EPG5: variants seen among roughly 807,000 people sequenced by gnomAD.
The protein encoded by EPG5 is ectopic P granules protein 5 homolog.
EPG5 carries 159 observed loss-of-function variants against 302.7 expected under a neutral mutation model. That is an observed-to-expected ratio of 0.53 (90% CI 0.46 to 0.60). The LOEUF is 0.60. Ranked by LOEUF, EPG5 falls within the 20% of genes least tolerant of loss-of-function variation. The probability of loss-of-function intolerance (pLI) is 0.00; values close to 1 mark genes in which losing one functional copy is unlikely to be tolerated. For synonymous variants in EPG5, 1,158 were observed against 1,136.8 expected, an observed-to-expected ratio of 1.02 and a Z score of -0.37; for missense variants, 2,896 against 3,092.4, an observed-to-expected ratio of 0.94 and a Z score of 1.51.
At chr18:45,909,926 T>C (rs561332372) in intron 23 of EPG5, among the ~76,000 whole-genome samples, 178 of 152,286 alleles carry the variant, frequency 1.2e-3, no homozygotes, top group African/African-American at 4.2e-3. Flanking sequence ...TGCCTATGAA[T>C]AGCCACTGCA....
chr18:45,820,966 C>T, the EPG5 span, among the ~76,000 whole-genome samples: 1 of 152,282 alleles, frequency 6.6e-6, no homozygotes, highest in Non-Finnish European at 1.5e-5. Flanking sequence ...AAGAAAAGAA[C>T]CAATGAAAAC....
chr18:45,959,648 G>A (rs1318943333), intron 1 of EPG5, among the ~76,000 whole-genome samples: 2 of 143,362 alleles, frequency 1.4e-5, no homozygotes, highest in Non-Finnish European at 3.0e-5. Context: ...GCAACAGAGC[G>A]AGACTGTCTC....
chr18:45,855,727 T>A lies in EPG5; in HGVS notation c.7443-40A>T, dbSNP rs528811306. Reference sequence around the variant, plus strand: ...AGAGGTCAGAAGAAGTAAATGGCTATTAAAGTAAGCATTTTGAAATAAACA... The same window carrying A: ...AGAGGTCAGAAGAAGTAAATGGCTAATAAAGTAAGCATTTTGAAATAAACA... On this transcript the variant is annotated intron_variant, in intron 42 of 43. Transcript: ENST00000282041. The A allele has an allele frequency of 6.9e-6, 9 of 1,300,688 alleles. No individual in the cohort carries two copies. In the African/African-American group the frequency reaches 1.2e-4, roughly 17 times the overall value. 80.6% of individuals were successfully genotyped at this position (1,300,688 alleles called of 1,614,324 possible). A position where few individuals can be genotyped will look rare whatever the true frequency, so the allele number is the denominator to read the frequency against.
At chr18:45,915,409 T>C (rs910692009) in intron 20 of EPG5, 102 bp downstream of exon 20, 5 of 827,448 alleles carry the variant, frequency 6.0e-6, no homozygotes, top group African/African-American at 1.7e-5. Context: ...GAATAAGTGC[T>C]AAATAAAAGT....
chr18:45,808,955 T>C, the EPG5 span, among the ~76,000 whole-genome samples: 1 of 152,152 alleles, frequency 6.6e-6, no homozygotes, highest in African/African-American at 2.4e-5. Context: ...GCAGAGTAGA[T>C]AAGAATTCAC....
At chr18:45,962,762 C>A (rs1393200688) in intron 1 of EPG5, among the ~76,000 whole-genome samples, 1 of 152,118 alleles carries the variant, frequency 6.6e-6, no homozygotes, top group African/African-American at 2.4e-5. Context: ...CCCTAAATAG[C>A]TGCCAAATTA....
Position 45,943,285 on chromosome 18 carries a change from G to C in EPG5, c.1819C>G (p.Pro607Ala). Residue 607 changes from proline (P) to alanine (A), a missense_variant, in exon 9 of 44, where the codon CCT becomes GCT. Pro to Ala is a conservative substitution (Grantham distance 27, BLOSUM62 -1). This residue lies in a region of EPG5 where 1,390 missense variants were observed against 1,430.0 expected (regional missense o/e 0.97). Transcript: ENST00000282041. The stretch of plus-strand genomic sequence containing the variant: ...GCAAAAATTTTCATCATCTCTTGAG[G>C]TCTTGTTGTTTCAGGTAAATAATCA... ...KGDYLPETTRPQEMMKIFAFA... is the reference protein window; with the variant it reads ...KGDYLPETTRAQEMMKIFAFA... 6.2e-7 allele frequency: 1 copy of C among 1,613,944 alleles called. No individual in the cohort carries two copies. The highest frequency in any genetic ancestry group is 8.5e-7 in the Non-Finnish European group (1 of 1,179,938).
the EPG5 span, chr18:45,837,146 G>A: frequency 1.2e-6 from 2 of 1,601,462 alleles, no homozygotes; most frequent in African/African-American, 1.3e-5. Flanking sequence ...TTTTAACCAC[G>A]AGATCCCAGG....
chr18:45,935,889 C>T (rs1419265886), intron 10 of EPG5, among the ~76,000 whole-genome samples: 1 of 152,184 alleles, frequency 6.6e-6, no homozygotes, highest in Non-Finnish European at 1.5e-5. Flanking sequence ...GGAGAGACCC[C>T]ACACCTCCAG....
chr18:45,915,944 T>A, intron 19 of EPG5, 65 bp downstream of exon 19: 1 of 1,408,230 alleles, frequency 7.1e-7, no homozygotes, highest in South Asian at 1.4e-5. Context: ...CTTGGGGGAA[T>A]CTTTTTAGAA....
chr18:45,926,053 AC>A, intron 13 of EPG5, 151 bp from the exon 14 acceptor site: 1 of 446,686 alleles, frequency 2.2e-6, no homozygotes, highest in Non-Finnish European at 3.8e-6. Flanking sequence ...AATGGAAATC[AC>A]GGACAACCAA....
the EPG5 span, chr18:45,842,382 T>C: frequency 1.7e-6 from 1 of 596,478 alleles, no homozygotes; most frequent in South Asian, 2.0e-5. Flanking sequence ...ATTTCGGAGC[T>C]CCCTGATATT....
At chr18:45,825,589 C>G in the EPG5 span, 7 of 798,796 alleles carry the variant, frequency 8.8e-6, no homozygotes, top group African/African-American at 6.8e-5. Context: ...CTCCGGCTCC[C>G]GCAGAGCCCA....
the EPG5 span, among the ~76,000 whole-genome samples, chr18:45,822,371 G>A: frequency 6.6e-6 from 1 of 152,288 alleles, no homozygotes; most frequent in East Asian, 1.9e-4. Flanking sequence ...AAGTAGAACA[G>A]AGGATACCAG....
chr18:45,959,469 AC>A (rs1379762949), intron 1 of EPG5, among the ~76,000 whole-genome samples: 1 of 150,712 alleles, frequency 6.6e-6, no homozygotes, highest in Non-Finnish European at 1.5e-5. Flanking sequence ...ACATGGTGAA[AC>A]CCCGTCTCTA....
intron 29 of EPG5, among the ~76,000 whole-genome samples, chr18:45,885,891 C>T (rs1282510403): frequency 1.3e-5 from 2 of 151,848 alleles, no homozygotes; most frequent in African/African-American, 2.4e-5. Flanking sequence ...ACCACAATCA[C>T]CAATTCACAA....
intron 23 of EPG5, among the ~76,000 whole-genome samples, chr18:45,908,485 A>G (rs1415636507): frequency 6.6e-6 from 1 of 152,216 alleles, no homozygotes; most frequent in African/African-American, 2.4e-5. Flanking sequence ...CATTCAAATA[A>G]AAACATTTTC....
At chr18:45,870,535 C>A in intron 36 of EPG5, 32 bp downstream of exon 36, 1 of 1,601,598 alleles carries the variant, frequency 6.2e-7, no homozygotes, top group South Asian at 1.1e-5. Flanking sequence ...CCAGATCTCT[C>A]TAGGCTGCGA....
At chr18:45,870,948 G>T (rs1178827151) in intron 35 of EPG5, among the ~76,000 whole-genome samples, 4 of 152,122 alleles carry the variant, frequency 2.6e-5, no homozygotes, top group Non-Finnish European at 5.9e-5. Flanking sequence ...TCGGGTAACT[G>T]GAATGAGCAG....
Sources: allele counts gnomAD v4.1 joint callset (sites outside exome capture counted in the v4.1 genomes callset), GRCh38; gene constraint gnomAD v4.1.1; regional missense constraint gnomAD v4.1.1; transcripts MANE v1.5; gene names NCBI Gene and HGNC (gene_info 2026-07-23, HGNC 2026-07-21).